The following ALK variants were observed in gnomAD, a reference collection of about 807,000 sequenced individuals.
ALK encodes ALK tyrosine kinase receptor.
In ALK, 74 loss-of-function variants were observed where a neutral mutation model predicts 163.1. The ratio of observed to expected loss-of-function variants is 0.45; its 90% confidence interval spans 0.38 to 0.55. ALK has a LOEUF of 0.55. Ranked by LOEUF, ALK falls within the 20% of genes least tolerant of loss-of-function variation. The probability of loss-of-function intolerance (pLI) is 0.00; values close to 1 mark genes in which losing one functional copy is unlikely to be tolerated. For missense variants in ALK, 2,063 were observed against 2,105.3 expected (o/e 0.98, Z 0.39); for synonymous variants, 960 against 843.2 (o/e 1.14, Z -2.40).
rs559226447 is a variant in ALK, at chr2:29,842,281, C to G, written c.667+77712G>C. On this transcript the variant is annotated intron_variant, in intron 1 of 28. Transcript: ENST00000389048. ...TCTGGCTAGATTCTCATGGTTGCAA[C>G]GAACAGATATTTGTTTGAGTGACTT... Among the ~76,000 whole-genome samples, 8 of 152,064 alleles carry G rather than the reference C, an allele frequency of 5.3e-5. No individual in the cohort carries two copies. In the East Asian group the frequency reaches 1.5e-3, roughly 29 times the overall value.
chr2:29,762,469 C>T (rs112950020), intron 1 of ALK, among the ~76,000 whole-genome samples: 2,235 of 152,256 alleles, frequency 0.015, 46 homozygotes, highest in African/African-American at 0.049. Context: ...GCAGTCTCCC[C>T]GTGAGTATAT....
At chr2:29,867,714 C>A (rs1025317340) in intron 1 of ALK, among the ~76,000 whole-genome samples, 2 of 152,188 alleles carry the variant, frequency 1.3e-5, no homozygotes, top group African/African-American at 4.8e-5. Flanking sequence ...CAAGCTTGAG[C>A]ACCCTTGTTC....
chr2:29,838,181 A>G (rs535606183), intron 1 of ALK, among the ~76,000 whole-genome samples: 2 of 152,270 alleles, frequency 1.3e-5, no homozygotes, highest in Admixed American at 1.3e-4. Context: ...GAGTAGAAAA[A>G]TGTTAAAAAG....
chr2:29,690,504 T>C (rs187887258), intron 3 of ALK, among the ~76,000 whole-genome samples: 5 of 152,268 alleles, frequency 3.3e-5, no homozygotes, highest in Admixed American at 6.5e-5. Context: ...AAATCTTGCC[T>C]TACTGGAGAA....
At chr2:29,487,084 G>T (rs1182505464) in intron 4 of ALK, among the ~76,000 whole-genome samples, 1 of 152,146 alleles carries the variant, frequency 6.6e-6, no homozygotes, top group Non-Finnish European at 1.5e-5. Context: ...CAGGAAGCAG[G>T]ACTATGCATT....
intron 3 of ALK, among the ~76,000 whole-genome samples, chr2:29,679,279 T>C (rs1285198042): frequency 6.6e-6 from 1 of 151,924 alleles, no homozygotes; most frequent in African/African-American, 2.4e-5. Flanking sequence ...CTAGAAAACA[T>C]ACATTTCATC....
chr2:29,357,046 G>A (rs1351203000), intron 5 of ALK, among the ~76,000 whole-genome samples: 1 of 152,128 alleles, frequency 6.6e-6, no homozygotes, highest in South Asian at 2.1e-4. Context: ...ATCCAACTGA[G>A]TGCGAAGATT....
At chr2:29,534,011 G>T (rs1673184861) in intron 3 of ALK, among the ~76,000 whole-genome samples, 1 of 152,196 alleles carries the variant, frequency 6.6e-6, no homozygotes, top group Admixed American at 6.5e-5. Context: ...CAGGACAAAG[G>T]TAGATGATGT....
intron 4 of ALK, among the ~76,000 whole-genome samples, chr2:29,497,702 T>C (rs968648781): frequency 6.6e-6 from 1 of 152,148 alleles, no homozygotes; most frequent in Non-Finnish European, 1.5e-5. Flanking sequence ...TTTTCTTCCT[T>C]TTAGGTTCAA....
chr2:29,202,795 G>T (rs1026537177), intron 26 of ALK, among the ~76,000 whole-genome samples: 1 of 152,162 alleles, frequency 6.6e-6, no homozygotes, highest in Admixed American at 6.5e-5. Flanking sequence ...CTAGTTGAGG[G>T]GTAGTTGGGT....
intron 24 of ALK, among the ~76,000 whole-genome samples, chr2:29,211,119 TA>T (rs900831763): frequency 3.9e-5 from 6 of 151,932 alleles, no homozygotes; most frequent in African/African-American, 1.2e-4. Context: ...GGATACTATT[TA>T]AAAAAAAGGA....
At chr2:29,298,602 A>G (rs900633475) in intron 8 of ALK, among the ~76,000 whole-genome samples, 1 of 152,170 alleles carries the variant, frequency 6.6e-6, no homozygotes, top group Non-Finnish European at 1.5e-5. Context: ...AGACACACAT[A>G]GTACAATGGG....
chr2:29,459,757 C>G (rs912880395), intron 4 of ALK, among the ~76,000 whole-genome samples: 1 of 152,050 alleles, frequency 6.6e-6, no homozygotes, highest in African/African-American at 2.4e-5. Flanking sequence ...AAGATAAAAA[C>G]AGCTGAGGTC....
chr2:29,282,016 C>T (rs540425630), intron 9 of ALK, among the ~76,000 whole-genome samples: 11 of 152,240 alleles, frequency 7.2e-5, no homozygotes, highest in African/African-American at 2.6e-4. Context: ...GAGGGAATGG[C>T]GAAGCTTTGG....
chr2:29,342,835 G>A (rs1169360216), intron 5 of ALK, among the ~76,000 whole-genome samples: 2 of 150,374 alleles, frequency 1.3e-5, no homozygotes, highest in Non-Finnish European at 3.0e-5. Flanking sequence ...TGGCAGTGAC[G>A]AAGCCTCTGA....
chr2:29,507,009 A>G (rs779515419), intron 4 of ALK, among the ~76,000 whole-genome samples: 1 of 152,220 alleles, frequency 6.6e-6, no homozygotes, highest in Non-Finnish European at 1.5e-5. Flanking sequence ...AGGATCCAGC[A>G]ATTCCACTTC....
chr2:29,664,804 C>A (rs989996719), intron 3 of ALK, among the ~76,000 whole-genome samples: 2 of 151,976 alleles, frequency 1.3e-5, no homozygotes, highest in Non-Finnish European at 2.9e-5. Flanking sequence ...TATAGACAAC[C>A]TTTCACTTCG....
intron 1 of ALK, among the ~76,000 whole-genome samples, chr2:29,880,345 A>AACCATTCC: frequency 6.6e-6 from 1 of 152,312 alleles, no homozygotes; most frequent in Non-Finnish European, 1.5e-5. Flanking sequence ...GAATGGGGTG[A>AACCATTCC]TGGTCTGACC....
chr2:29,447,470 A>C (rs922300353), intron 4 of ALK, among the ~76,000 whole-genome samples: 1 of 152,230 alleles, frequency 6.6e-6, no homozygotes, highest in African/African-American at 2.4e-5. Context: ...AGGGAAAAAA[A>C]AAATCTCGTG....
Sources: gnomAD v4.1 joint callset for allele counts (sites outside exome capture counted in the v4.1 genomes callset) on GRCh38, gnomAD v4.1.1 for gene constraint, MANE v1.5 for transcripts, NCBI Gene and HGNC (gene_info 2026-07-23, HGNC 2026-07-21) for gene names.